PAFAH2: variants seen among roughly 807,000 people sequenced by gnomAD.
The protein encoded by PAFAH2 is platelet-activating factor acetylhydrolase 2, cytoplasmic.
Under a neutral mutation model 49.0 loss-of-function variants are expected in PAFAH2, and 42 were observed. That is an observed-to-expected ratio of 0.86 (90% confidence interval 0.67 to 1.11). The LOEUF is 1.11. Ranked by LOEUF, PAFAH2 falls within the 50% of genes least tolerant of loss-of-function variation. The pLI is 0.00. For synonymous variants in PAFAH2, 184 were observed against 181.3 expected, an observed-to-expected ratio of 1.01 and a Z score of -0.12; for missense variants, 503 against 501.8, an observed-to-expected ratio of 1.00 and a Z score of -0.02.
At chr1:25,971,152 CT>C (rs1441271775) in intron 10 of PAFAH2, among the ~76,000 whole-genome samples, 1 of 152,122 alleles carries the variant, frequency 6.6e-6, no homozygotes, top group Non-Finnish European at 1.5e-5. Context: ...AGATCTTGCT[CT>C]TAGGTTAGAG....
chr1:25,975,759 C>T (rs1277251578), intron 8 of PAFAH2, among the ~76,000 whole-genome samples: 1 of 152,162 alleles, frequency 6.6e-6, no homozygotes, highest in Non-Finnish European at 1.5e-5. Context: ...CTCTAATGAG[C>T]CTCTAGGCTT....
chr1:25,986,300 G>A (rs1572360326), intron 4 of PAFAH2, among the ~76,000 whole-genome samples: 1 of 152,192 alleles, frequency 6.6e-6, no homozygotes, highest in Non-Finnish European at 1.5e-5. Flanking sequence ...GCAAGAGGAA[G>A]AGAAGAGCAG....
At chr1:25,984,616 T>C in intron 4 of PAFAH2, 88 bp from the exon 5 acceptor site, 1 of 1,029,110 alleles carries the variant, frequency 9.7e-7, no homozygotes, top group Non-Finnish European at 1.5e-6. Flanking sequence ...CTAGCAGCCA[T>C]CTTGTGGAAT....
chr1:25,977,858 G>C (rs1417096981), intron 7 of PAFAH2, among the ~76,000 whole-genome samples: 1 of 152,076 alleles, frequency 6.6e-6, no homozygotes, highest in East Asian at 1.9e-4. Flanking sequence ...CCCATCCATT[G>C]TACTCTGGAG....
At chr1:25,982,587 G>A (rs901890704) in intron 6 of PAFAH2, 110 bp from the exon 7 acceptor site, 18 of 761,258 alleles carry the variant, frequency 2.4e-5, no homozygotes, top group African/African-American at 1.0e-4. Context: ...ACCCACCCAC[G>A]CCTCAGCAAG....
chr1:25,961,353 G>A lies in PAFAH2; in HGVS notation c.*636C>T, dbSNP rs1275145667. 6.6e-6 allele frequency: 1 copy of A among 152,170 alleles called. No homozygotes were observed. Among genetic ancestry groups the A allele is most frequent in the Non-Finnish European group, 1.5e-5 (1 of 68,044 alleles). The allele number at this position is 152,170 out of a possible 1,614,324, so 9.4% of individuals were successfully genotyped here. On this transcript the variant is annotated 3_prime_UTR_variant, in exon 11 of 11. Coordinates refer to ENST00000374282, the MANE Select transcript of PAFAH2 (RefSeq NM_000437.4). ...CTCAGTTTTTCTCCCTGTGCTGTGA[G>A]AGCCATGCTGTCTGCCACTCTGTGG... is the stretch of plus-strand genomic sequence containing the variant.
Position 25,989,447 on chromosome 1 carries a change from C to T in PAFAH2, c.244+1G>A, listed in dbSNP as rs2049840609. The T allele has an allele frequency of 2.5e-6, 4 of 1,593,388 alleles. No individual in the cohort carries two copies. Among genetic ancestry groups the T allele is most frequent in the Non-Finnish European group, 2.6e-6 (3 of 1,169,704 alleles). On this transcript the variant is annotated splice_donor_variant, in intron 3 of 10. Transcript: ENST00000374282. LOFTEE classifies it high-confidence loss of function. Reference sequence around the variant, plus strand: ...CATGCAGAGGTCAGGCCAGCCCTTACCCACCGCCAGGTTGAACAGCAAGCC... The same window carrying T: ...CATGCAGAGGTCAGGCCAGCCCTTATCCACCGCCAGGTTGAACAGCAAGCC...
chr1:25,978,384 C>T (rs566123805), intron 7 of PAFAH2, among the ~76,000 whole-genome samples: 2 of 152,186 alleles, frequency 1.3e-5, no homozygotes, highest in South Asian at 4.1e-4. Context: ...AATATATACA[C>T]TTTCCCTCTT....
chr1:25,980,522 T>C (rs1572353882), intron 7 of PAFAH2, among the ~76,000 whole-genome samples: 1 of 150,948 alleles, frequency 6.6e-6, no homozygotes, highest in East Asian at 1.9e-4. Flanking sequence ...TTGGCCAGGA[T>C]GGTCTCAATC....
intron 4 of PAFAH2, 64 bp downstream of exon 4, chr1:25,988,167 C>T: frequency 9.5e-7 from 1 of 1,047,486 alleles, no homozygotes; most frequent in Non-Finnish European, 1.4e-6. Context: ...TGAGAATAAG[C>T]TAAGACTCAG....
intron 1 of PAFAH2, among the ~76,000 whole-genome samples, chr1:25,991,170 C>T (rs945705771): frequency 6.6e-6 from 1 of 152,168 alleles, no homozygotes; most frequent in South Asian, 2.1e-4. Flanking sequence ...ACCTTGCTCT[C>T]CTGAGGCTAA....
Position 25,992,362 on chromosome 1 carries a change from T to A in PAFAH2, c.-47-1499A>T, listed in dbSNP as rs149551633. On this transcript the variant is annotated intron_variant, in intron 1 of 10. Transcript: ENST00000374282. Reference sequence around the variant, plus strand: ...GAAAAAAAGCAGAGGTAGGGAAAAGTATGATGTGGGCAGTAGATCAAACAG... The same window carrying A: ...GAAAAAAAGCAGAGGTAGGGAAAAGAATGATGTGGGCAGTAGATCAAACAG... 1.1e-3 allele frequency among the ~76,000 whole-genome samples: 174 copies of A among 152,216 alleles called. 1 individual carries two copies. The highest frequency in any genetic ancestry group is 2.0e-3 in the Non-Finnish European group (139 of 68,016).
At position 25,974,571 on chromosome 1, in the gene PAFAH2, T is replaced by A. The variant is rs761919526; in HGVS notation, c.838A>T (p.Ile280Phe). 6.2e-7 allele frequency: 1 copy of A among 1,614,012 alleles called. No homozygotes were observed. Among genetic ancestry groups the A allele is most frequent in the Non-Finnish European group, 8.5e-7 (1 of 1,179,966 alleles). The change falls in exon 9 of 11, where the codon ATC becomes TTC. Residue 280 changes from isoleucine (I) to phenylalanine (F), a missense_variant. Coordinates refer to ENST00000374282, the MANE Select transcript of PAFAH2 (RefSeq NM_000437.4). ...YPKARGPVFF[I>F]NTEKFQTMES... ...ATTGTCTGGAATTTCTCAGTATTGA[T>A]AAAGAACACAGGTCCTCGGGCCTTG...
At chr1:25,986,435 C>A (rs536952087) in intron 4 of PAFAH2, among the ~76,000 whole-genome samples, 1 of 152,338 alleles carries the variant, frequency 6.6e-6, no homozygotes, top group Non-Finnish European at 1.5e-5. Context: ...GAGAGCTACA[C>A]TGGGGCAAAT....
At chr1:25,963,580 C>T (rs1273897292) in intron 10 of PAFAH2, among the ~76,000 whole-genome samples, 3 of 152,146 alleles carry the variant, frequency 2.0e-5, no homozygotes, top group East Asian at 1.9e-4. Context: ...CTCGGCTCAA[C>T]GCAACCTCTG....
At chr1:25,996,384 G>A (rs1318193891) in intron 1 of PAFAH2, among the ~76,000 whole-genome samples, 3 of 151,656 alleles carry the variant, frequency 2.0e-5, no homozygotes, top group Non-Finnish European at 4.4e-5. Context: ...TAGTAACTAT[G>A]GGCCGGGCGC....
At chr1:25,981,182 C>A (rs2049682856) in intron 7 of PAFAH2, among the ~76,000 whole-genome samples, 1 of 150,508 alleles carries the variant, frequency 6.6e-6, no homozygotes, top group African/African-American at 2.4e-5. Flanking sequence ...GAAAATAAGG[C>A]CACAAAACAG....
chr1:25,966,548 T>A (rs1405947427), intron 10 of PAFAH2, among the ~76,000 whole-genome samples: 1 of 152,018 alleles, frequency 6.6e-6, no homozygotes, highest in East Asian at 1.9e-4. Flanking sequence ...TGCTGTCACT[T>A]ATAAGTGGGA....
intron 10 of PAFAH2, among the ~76,000 whole-genome samples, chr1:25,968,482 G>A (rs1291361374): frequency 1.3e-5 from 2 of 152,242 alleles, no homozygotes; most frequent in African/African-American, 4.8e-5. Flanking sequence ...TCTTCCAGGA[G>A]AGTGGGAGAG....
Sources: allele counts gnomAD v4.1 joint callset (sites outside exome capture counted in the v4.1 genomes callset), GRCh38; gene constraint gnomAD v4.1.1; transcripts MANE v1.5; gene names NCBI Gene and HGNC (gene_info 2026-07-23, HGNC 2026-07-21).